The following PSMB1 variants were observed in gnomAD, a reference collection of about 807,000 sequenced individuals.
PSMB1 encodes the protein proteasome subunit beta type-1.
In PSMB1, 7 loss-of-function variants were observed where a neutral mutation model predicts 25.4. The observed-to-expected ratio is 0.28, with a 90% CI of 0.16 to 0.52. The LOEUF (loss-of-function observed/expected upper bound fraction) is 0.52. PSMB1 is among the 20% of genes least tolerant of loss of function. The pLI is 0.97. For missense variants in PSMB1, 284 were observed against 302.2 expected (o/e 0.94, Z 0.45); for synonymous variants, 119 against 115.0 (o/e 1.03, Z -0.22).
intron 4 of PSMB1, among the ~76,000 whole-genome samples, chr6:170,538,477 G>A (rs900658092): frequency 2.0e-5 from 3 of 152,128 alleles, no homozygotes; most frequent in East Asian, 3.9e-4. Context: ...GAGGTGGGCC[G>A]ATCACGAGGT....
intron 1 of PSMB1, chr6:170,549,828 A>G (rs1394993626): frequency 6.6e-6 from 1 of 152,266 alleles, no homozygotes; most frequent in Non-Finnish European, 1.5e-5. Context: ...TCAAAGGATC[A>G]AATATGTAAG....
intron 4 of PSMB1, among the ~76,000 whole-genome samples, chr6:170,540,838 A>G (rs1466424723): frequency 4.6e-5 from 7 of 152,162 alleles, no homozygotes; most frequent in African/African-American, 1.7e-4. Context: ...ATCTTCATAA[A>G]GTAGAACAAA....
At chr6:170,544,700 T>A (rs1029924651) in intron 3 of PSMB1, among the ~76,000 whole-genome samples, 1 of 152,020 alleles carries the variant, frequency 6.6e-6, no homozygotes, top group Non-Finnish European at 1.5e-5. Flanking sequence ...AGACGCTGTC[T>A]CTAAATAAAT....
rs1306177170 is a variant in PSMB1, at chr6:170,553,292, G to A, written c.-50C>T. The A allele has an allele frequency of 3.5e-6, 5 of 1,417,574 alleles. No homozygotes were observed. The highest frequency in any genetic ancestry group is 2.4e-5 in the East Asian group (1 of 41,756). The allele number at this position is 1,417,574 out of a possible 1,614,324, so 87.8% of individuals were successfully genotyped here. On this transcript the variant is annotated 5_prime_UTR_variant, in exon 1 of 6. Transcript: ENST00000262193. The stretch of plus-strand genomic sequence containing the variant: ...ACACTTGCTGTCTCACGGCGAGATG[G>A]CTGCCTTGACCGGACGTTACGCCAC...
intron 3 of PSMB1, among the ~76,000 whole-genome samples, chr6:170,543,968 G>A (rs1447316597): frequency 1.3e-5 from 2 of 152,094 alleles, no homozygotes; most frequent in African/African-American, 4.8e-5. Flanking sequence ...CTTATCTCAG[G>A]TACTGCTAAT....
intron 1 of PSMB1, among the ~76,000 whole-genome samples, chr6:170,552,296 A>AT (rs1435384028): frequency 3.3e-5 from 5 of 152,242 alleles, no homozygotes; most frequent in Non-Finnish European, 5.9e-5. Context: ...ATTGGTAACT[A>AT]TAACCACTGT....
At chr6:170,542,908 T>C (rs550619611) in intron 4 of PSMB1, among the ~76,000 whole-genome samples, 1 of 152,318 alleles carries the variant, frequency 6.6e-6, no homozygotes, top group East Asian at 1.9e-4. Flanking sequence ...TCTGTGTCAA[T>C]GGACTACTCT....
intron 4 of PSMB1, among the ~76,000 whole-genome samples, chr6:170,539,168 TA>T (rs1778729265): frequency 6.6e-6 from 1 of 152,132 alleles, no homozygotes; most frequent in Non-Finnish European, 1.5e-5. Context: ...CTCATCAAAG[TA>T]AAATCCAAAA....
chr6:170,545,374 G>A (rs1366794155), intron 3 of PSMB1, among the ~76,000 whole-genome samples: 1 of 152,116 alleles, frequency 6.6e-6, no homozygotes, highest in African/African-American at 2.4e-5. Flanking sequence ...ATAAATGTAA[G>A]TCACTATGGC....
intron 2 of PSMB1, among the ~76,000 whole-genome samples, 192 bp from the exon 3 acceptor site, chr6:170,546,376 A>C (rs537757104): frequency 2.6e-5 from 4 of 152,338 alleles, no homozygotes; most frequent in Non-Finnish European, 4.4e-5. Flanking sequence ...AGGTGGATCA[A>C]AGACTTTAAA....
chr6:170,546,225 G>A, intron 2 of PSMB1, 41 bp from the exon 3 acceptor site: 1 of 1,517,898 alleles, frequency 6.6e-7, no homozygotes. Context: ...TGGTTAGATA[G>A]TAGAGCAAAA....
At position 170,553,202 on chromosome 6, in the gene PSMB1, T is replaced by G; in HGVS notation, c.41A>C (p.Asp14Ala). The part of the protein sequence containing the change: ...STAMYSAPGR[D>A]LGMEPHRAAG... ...GGCTCTGTGCGGTTCCATCCCCAAGTCTCTGCCAGGAGCCGAATACATGGC... is the reference window on the plus strand; with the variant it reads ...GGCTCTGTGCGGTTCCATCCCCAAGGCTCTGCCAGGAGCCGAATACATGGC... The change falls in exon 1 of 6, where the codon GAC becomes GCC. Residue 14 changes from aspartate to alanine, a missense_variant. Transcript: ENST00000262193. The G allele has an allele frequency of 6.2e-7, 1 of 1,613,868 alleles. No homozygotes were observed. Among genetic ancestry groups the G allele is most frequent in the Non-Finnish European group, 8.5e-7 (1 of 1,179,932 alleles).
chr6:170,549,108 A>G lies in PSMB1; in HGVS notation c.119T>C (p.Ile40Thr). The G allele has an allele frequency of 2.5e-6, 4 of 1,607,338 alleles. 1 individual carries two copies. The highest frequency in any genetic ancestry group is 3.4e-6 in the Non-Finnish European group (4 of 1,174,316). ...AAAATCTTCTCCAGCAATTGCCAGT[A>G]TAGTACTGAGGAAAAAAGAAAAAAA... The part of the protein sequence containing the change: ...FSPYVFNGGT[I>T]LAIAGEDFAI... The change falls in exon 2 of 6, where the codon ATA becomes ACA. Residue 40 changes from isoleucine (I) to threonine (T), a missense_variant. Physicochemically the swap from Ile to Thr is moderately conservative, Grantham distance 89 (BLOSUM62 -1). Transcript: ENST00000262193.
chr6:170,553,112 GCT>G lies in PSMB1; in HGVS notation c.113+16_113+17del. 6.3e-7 allele frequency: 1 copy of G among 1,582,780 alleles called. No homozygotes were observed. Among genetic ancestry groups the G allele is most frequent in the Non-Finnish European group, 8.6e-7 (1 of 1,160,022 alleles). The stretch of plus-strand genomic sequence containing the variant: ...GGGAAGGGCGAAAGTGAAAGCCGCA[GCT>G]CTCTGGGGTTTTTACCCTCCGTTGA... On this transcript the variant is annotated intron_variant, in intron 1 of 5. Coordinates refer to ENST00000262193, the MANE Select transcript of PSMB1 (RefSeq NM_002793.4).
In PSMB1 at chr6:170,548,220, CA is replaced by C. The variant is rs1562353508; in HGVS notation, c.221+785del. Among the ~76,000 whole-genome samples the C allele has an allele frequency of 2.0e-5, 3 of 152,182 alleles. No individual in the cohort carries two copies. In the East Asian group the frequency reaches 5.8e-4, roughly 29 times the overall value. ...TCTTTTCTTCTGTACCTACTTCCTA[CA>C]ATACAAGGAGGGTCCATCCAAAGGA... On this transcript the variant is annotated intron_variant, in intron 2 of 5. Transcript: ENST00000262193.
intron 4 of PSMB1, among the ~76,000 whole-genome samples, chr6:170,540,177 C>T (rs1043649666): frequency 1.3e-5 from 2 of 152,106 alleles, no homozygotes; most frequent in Non-Finnish European, 2.9e-5. Flanking sequence ...GAGCTGTGGA[C>T]CTTGCTGTCC....
intron 1 of PSMB1, among the ~76,000 whole-genome samples, chr6:170,552,509 G>A (rs894147651): frequency 1.3e-4 from 15 of 118,506 alleles, no homozygotes; most frequent in Non-Finnish European, 1.7e-4. Flanking sequence ...CTGAACTTAA[G>A]CTAAACGTTA....
At chr6:170,537,767 C>G (rs996645631) in intron 4 of PSMB1, among the ~76,000 whole-genome samples, 5 of 152,122 alleles carry the variant, frequency 3.3e-5, no homozygotes, top group African/African-American at 1.2e-4. Flanking sequence ...CAAAAATAAT[C>G]CAAGCCATGG....
At chr6:170,541,712 C>G (rs1778760714) in intron 4 of PSMB1, among the ~76,000 whole-genome samples, 1 of 152,164 alleles carries the variant, frequency 6.6e-6, no homozygotes, top group African/African-American at 2.4e-5. Context: ...GACAGACAAG[C>G]TTAGAAAGAC....
Sources: gnomAD v4.1 joint callset for allele counts (sites outside exome capture counted in the v4.1 genomes callset) on GRCh38, gnomAD v4.1.1 for gene constraint, MANE v1.5 for transcripts, NCBI Gene and HGNC (gene_info 2026-07-23, HGNC 2026-07-21) for gene names.